MR1: variants seen among roughly 807,000 people sequenced by gnomAD.
MR1 encodes the protein major histocompatibility complex, class I-related.
In MR1, 44 loss-of-function variants were observed where a neutral mutation model predicts 37.8. The ratio of observed to expected loss-of-function variants is 1.16; its 90% CI spans 0.91 to 1.50. The LOEUF (loss-of-function observed/expected upper bound fraction) is 1.50. Among genes scored for constraint, MR1 ranks in the 40% most tolerant of loss-of-function variants. The pLI, the probability that MR1 is intolerant of heterozygous loss-of-function variation, is 0.00. For synonymous variants in MR1, 153 were observed against 155.8 expected (o/e 0.98, Z 0.13); for missense variants, 386 against 419.1 (o/e 0.92, Z 0.69).
At chr1:181,054,572 C>T (rs2331994) in intron 5 of MR1, among the ~76,000 whole-genome samples, 54,645 of 151,808 alleles carry the variant, frequency 0.36, 10,995 homozygotes, top group East Asian at 0.73. Context: ...GCTCAGAGGC[C>T]GGGCGTGGTG....
At chr1:181,053,517 G>T (rs1658437932) in intron 4 of MR1, 56 bp from the exon 5 acceptor site, 1 of 1,373,488 alleles carries the variant, frequency 7.3e-7, no homozygotes, top group Non-Finnish European at 1.0e-6. Flanking sequence ...GTCCCAGAAA[G>T]TTAACACAGA....
chr1:181,035,431 A>G, intron 1 of MR1, among the ~76,000 whole-genome samples: 1 of 152,154 alleles, frequency 6.6e-6, no homozygotes, highest in East Asian at 1.9e-4. Context: ...AACAAGACAA[A>G]CATAGTCTCT....
At chr1:181,045,425 A>C (rs568386916) in intron 1 of MR1, among the ~76,000 whole-genome samples, 1 of 152,074 alleles carries the variant, frequency 6.6e-6, no homozygotes, top group South Asian at 2.1e-4. Flanking sequence ...GACGCCTGTC[A>C]CTGTGCTCCA....
intron 2 of MR1, 130 bp downstream of exon 2, chr1:181,049,442 T>G: frequency 8.3e-7 from 1 of 1,199,272 alleles, no homozygotes; most frequent in Non-Finnish European, 1.2e-6. Flanking sequence ...GGAATCAGGT[T>G]GGTGGAGTTC....
At chr1:181,035,813 T>C (rs1558110416) in intron 1 of MR1, among the ~76,000 whole-genome samples, 1 of 152,142 alleles carries the variant, frequency 6.6e-6, no homozygotes, top group Non-Finnish European at 1.5e-5. Context: ...TTCCACAATG[T>C]CATTGCTCCT....
chr1:181,049,090 G>A lies in MR1; in HGVS notation c.106G>A (p.Asp36Asn), dbSNP rs1436989761. The change falls in exon 2 of 6, where the codon GAT becomes AAT. Residue 36 changes from aspartate to asparagine, a missense_variant. Asp to Asn is a conservative substitution (Grantham distance 23). Transcript: ENST00000367580. ...GAGATATTTTCGCCTGGGCGTTTCG[G>A]ATCCCATCCATGGGGTCCCTGAATT... ...SLRYFRLGVS[D>N]PIHGVPEFIS... is the part of the protein sequence containing the mutation. The A allele has an allele frequency of 1.7e-5, 27 of 1,613,922 alleles. No individual in the cohort carries two copies. Among genetic ancestry groups the A allele is most frequent in the Non-Finnish European group, 2.2e-5 (26 of 1,179,910 alleles).
intron 1 of MR1, among the ~76,000 whole-genome samples, 161 bp from the exon 2 acceptor site, chr1:181,048,891 G>A (rs754034001): frequency 2.0e-5 from 3 of 152,210 alleles, no homozygotes; most frequent in South Asian, 2.1e-4. Context: ...TCCAGGCCCC[G>A]GTTCCTGGGT....
At chr1:181,052,860 A>G (rs767325987) in intron 4 of MR1, among the ~76,000 whole-genome samples, 5 of 152,262 alleles carry the variant, frequency 3.3e-5, no homozygotes, top group Non-Finnish European at 5.9e-5. Context: ...TGAGGTCAGG[A>G]GTTCGAGACC....
At chr1:181,047,020 C>T (rs144609092) in intron 1 of MR1, among the ~76,000 whole-genome samples, 1 of 152,140 alleles carries the variant, frequency 6.6e-6, no homozygotes, top group Non-Finnish European at 1.5e-5. Context: ...CGAGGGTCCA[C>T]GGCTTCATTC....
chr1:181,057,156 C>T lies in MR1; in HGVS notation c.*1891C>T. ...AGAAAGATACCCTCAGTGTGCCAGG[C>T]CTCTAAGAGCTCACCTGCCAGGCTT... On this transcript the variant is annotated 3_prime_UTR_variant, in exon 6 of 6. Coordinates refer to ENST00000367580, the MANE Select transcript of MR1 (RefSeq NM_001385161.1). 6.6e-6 allele frequency: 1 copy of T among 152,526 alleles called. No individual in the cohort carries two copies. Among genetic ancestry groups the T allele is most frequent in the Non-Finnish European group, 1.5e-5 (1 of 68,260 alleles). 9.4% of individuals were successfully genotyped at this position (152,526 alleles called of 1,614,324 possible).
chr1:181,057,129 A>G lies in MR1; in HGVS notation c.*1864A>G. 1 of 152,730 alleles carries G rather than the reference A, an allele frequency of 6.5e-6. No individual in the cohort carries two copies. The highest frequency in any genetic ancestry group is 1.5e-5 in the Non-Finnish European group (1 of 68,390). 9.5% of individuals were successfully genotyped at this position (152,730 alleles called of 1,614,324 possible). A position where few individuals can be genotyped will look rare whatever the true frequency, so the allele number is the denominator to read the frequency against. On this transcript the variant is annotated 3_prime_UTR_variant, in exon 6 of 6. Transcript: ENST00000367580. ...AGCAAGACTCTGTCTCCAAAAAAAA[A>G]AAGAAAGATACCCTCAGTGTGCCAG...
At chr1:181,038,952 C>T (rs987845908) in intron 1 of MR1, among the ~76,000 whole-genome samples, 2 of 152,078 alleles carry the variant, frequency 1.3e-5, no homozygotes, top group African/African-American at 2.4e-5. Flanking sequence ...TACAGGCATG[C>T]GCCACCACAC....
chr1:181,046,464 AC>A (rs1329152902), intron 1 of MR1, among the ~76,000 whole-genome samples: 1 of 151,804 alleles, frequency 6.6e-6, no homozygotes, highest in Non-Finnish European at 1.5e-5. Flanking sequence ...TCTGGTGGGG[AC>A]TTGGAGAACC....
chr1:181,054,653 A>G (rs1658506943), intron 5 of MR1, among the ~76,000 whole-genome samples: 1 of 151,910 alleles, frequency 6.6e-6, no homozygotes, highest in Non-Finnish European at 1.5e-5. Context: ...GGAGTTCGAG[A>G]TCAGCCTGGC....
At chr1:181,046,667 C>G (rs563835610) in intron 1 of MR1, among the ~76,000 whole-genome samples, 6 of 152,170 alleles carry the variant, frequency 3.9e-5, no homozygotes, top group Admixed American at 2.6e-4. Context: ...GCAACCGTCT[C>G]GGGTCCGCTT....
At chr1:181,033,452 C>T (rs533039939), upstream of MR1, 1 of 152,450 alleles carries the variant, frequency 6.6e-6, no homozygotes, top group African/African-American at 2.4e-5. Flanking sequence ...TTTCTCTTGC[C>T]TTCTTTTATT....
chr1:181,044,011 T>C (rs1019654077), intron 1 of MR1, among the ~76,000 whole-genome samples: 3 of 142,724 alleles, frequency 2.1e-5, no homozygotes, highest in African/African-American at 5.2e-5. Flanking sequence ...TCGCCCAGGC[T>C]GGAGTGCAGT....
intron 1 of MR1, among the ~76,000 whole-genome samples, chr1:181,047,578 A>G (rs1213360665): frequency 1.9e-3 from 261 of 136,884 alleles, no homozygotes; most frequent in Middle Eastern, 5.5e-3. Flanking sequence ...CAGCCTGGGC[A>G]ACAGAGTGAG....
intron 3 of MR1, 44 bp downstream of exon 3, chr1:181,050,330 C>A (rs752465156): frequency 6.2e-7 from 1 of 1,610,030 alleles, no homozygotes. Flanking sequence ...GCCTGAACAA[C>A]TGTTTTTATA....
Sources: gnomAD v4.1 joint callset for allele counts (sites outside exome capture counted in the v4.1 genomes callset) on GRCh38, gnomAD v4.1.1 for gene constraint, MANE v1.5 for transcripts, NCBI Gene and HGNC (gene_info 2026-07-23, HGNC 2026-07-21) for gene names.